The following FHIT variants were observed in gnomAD, a reference collection of about 807,000 sequenced individuals.
The protein encoded by FHIT is bis(5'-adenosyl)-triphosphatase.
Under a neutral mutation model 17.9 loss-of-function variants are expected in FHIT, and 19 were observed. That is an observed-to-expected ratio of 1.06 (90% CI 0.74 to 1.56). FHIT has a LOEUF of 1.56. FHIT is among the 40% of genes most tolerant of loss of function. The probability of loss-of-function intolerance (pLI) is 0.00; values close to 1 mark genes in which losing one functional copy is unlikely to be tolerated. For missense variants in FHIT, 248 were observed against 189.2 expected (o/e 1.31, Z -1.82); for synonymous variants, 81 against 69.7 (o/e 1.16, Z -0.81).
rs147752485 is a variant in FHIT, at chr3:60,458,689, A to G, written c.103+78171T>C. ...CCATCTGCTTTCTCAACACACCTTG[A>G]CCGCCAACTCTAGATGTCAAAAGCT... On this transcript the variant is annotated intron_variant, in intron 5 of 9. Transcript: ENST00000492590. 4.7e-4 allele frequency among the ~76,000 whole-genome samples: 71 copies of G among 152,212 alleles called. 1 individual carries two copies. The East Asian group carries it at 0.01, about 22-fold the overall frequency.
rs1394786638 is a variant in FHIT, at chr3:60,860,138, T to TG, written c.-110-38128_-110-38127insC. Among the ~76,000 whole-genome samples the TG allele has an allele frequency of 8.8e-3, 1,267 of 144,170 alleles. 179 individuals carry two copies. The highest frequency in any genetic ancestry group is 0.019 in the African/African-American group (737 of 38,796). The allele number at this position is 144,170 out of a possible 152,430, so 94.6% of individuals were successfully genotyped here. On this transcript the variant is annotated intron_variant, in intron 3 of 9. Coordinates refer to ENST00000492590, the MANE Select transcript of FHIT (RefSeq NM_002012.4). ...ATATATAAATGATATATCTGATATA[T>TG]ATACATATGGTATATATGATATACA...
At chr3:60,357,901 G>A (rs1699744578) in intron 5 of FHIT, among the ~76,000 whole-genome samples, 3 of 152,150 alleles carry the variant, frequency 2.0e-5, no homozygotes, top group African/African-American at 7.2e-5. Flanking sequence ...GCTCAGAGGT[G>A]AGAACTGACC....
At chr3:60,896,397 A>G (rs1182874328) in intron 3 of FHIT, among the ~76,000 whole-genome samples, 1 of 152,130 alleles carries the variant, frequency 6.6e-6, no homozygotes, top group African/African-American at 2.4e-5. Context: ...ATGTCTTCCT[A>G]TTGATACTTC....
chr3:61,140,341 CTT>C (rs2037044872), intron 2 of FHIT, among the ~76,000 whole-genome samples: 1 of 152,188 alleles, frequency 6.6e-6, no homozygotes, highest in Admixed American at 6.6e-5. Flanking sequence ...TAAGGAGACT[CTT>C]TAGCTATCCT....
At chr3:60,510,274 C>T (rs1033057233) in intron 5 of FHIT, among the ~76,000 whole-genome samples, 1 of 152,168 alleles carries the variant, frequency 6.6e-6, no homozygotes, top group Non-Finnish European at 1.5e-5. Context: ...AACAGCTGCA[C>T]TTTGCAATTC....
intron 5 of FHIT, among the ~76,000 whole-genome samples, chr3:60,130,782 G>GTATACACATATATA (rs1576167802): frequency 8.1e-5 from 1 of 12,326 alleles, no homozygotes; most frequent in Non-Finnish European, 2.0e-4. Flanking sequence ...GTGTGTGTGT[G>GTATACACATATATA]TGGTGTGTAT....
intron 3 of FHIT, among the ~76,000 whole-genome samples, chr3:60,842,114 G>A (rs897954674): frequency 5.9e-5 from 9 of 152,144 alleles, no homozygotes; most frequent in Non-Finnish European, 7.3e-5. Context: ...AAACTTCTAG[G>A]CTTCAGAATC....
intron 3 of FHIT, among the ~76,000 whole-genome samples, chr3:60,941,232 G>A (rs1331302886): frequency 6.6e-6 from 1 of 152,134 alleles, no homozygotes; most frequent in Admixed American, 6.5e-5. Flanking sequence ...GTGGGAAAGT[G>A]CCATTTTAAA....
intron 1 of FHIT, among the ~76,000 whole-genome samples, chr3:61,207,507 G>C (rs2039286322): frequency 6.6e-6 from 1 of 152,106 alleles, no homozygotes; most frequent in South Asian, 2.1e-4. Context: ...GCCTGTTATT[G>C]GTCTATTCAG....
rs552548463 is a variant in FHIT, at chr3:60,982,522, C to T, written c.-111+59525G>A. Among the ~76,000 whole-genome samples, 8 of 152,310 alleles carry T rather than the reference C, an allele frequency of 5.3e-5. No homozygotes were observed. The South Asian group carries it at 1.5e-3, about 28-fold the overall frequency. Reference sequence around the variant, plus strand: ...TCAGCCTGGTCTGCTTTCATTTCTTCGAACACATCTTTTCCACTTCAGGGC... The same window carrying T: ...TCAGCCTGGTCTGCTTTCATTTCTTTGAACACATCTTTTCCACTTCAGGGC... On this transcript the variant is annotated intron_variant, in intron 3 of 9. Transcript: ENST00000492590.
At chr3:59,893,038 T>C (rs774336190) in intron 8 of FHIT, among the ~76,000 whole-genome samples, 1 of 152,224 alleles carries the variant, frequency 6.6e-6, no homozygotes. Flanking sequence ...TAAAACTATA[T>C]CTAAAAAACT....
chr3:60,208,182 A>G (rs1703288546), intron 5 of FHIT, among the ~76,000 whole-genome samples: 2 of 152,210 alleles, frequency 1.3e-5, no homozygotes, highest in South Asian at 2.1e-4. Flanking sequence ...GGCAAGCGTG[A>G]TATGTCATAC....
At chr3:60,876,612 A>G (rs2107100342) in intron 3 of FHIT, among the ~76,000 whole-genome samples, 1 of 152,342 alleles carries the variant, frequency 6.6e-6, no homozygotes, top group East Asian at 1.9e-4. Flanking sequence ...AAGTAAATAC[A>G]AAAGTGTATT....
chr3:60,521,278 T>C (rs9876121), intron 5 of FHIT, among the ~76,000 whole-genome samples: 24,117 of 151,902 alleles, frequency 0.16, 2,276 homozygotes, highest in Middle Eastern at 0.23. Flanking sequence ...GGCGGAGGCT[T>C]GCTCTGTCTC....
chr3:61,023,854 T>C (rs1039990743), intron 3 of FHIT, among the ~76,000 whole-genome samples: 2 of 152,082 alleles, frequency 1.3e-5, no homozygotes, highest in African/African-American at 2.4e-5. Flanking sequence ...TAACTCAAGA[T>C]AGATTAAAGA....
At chr3:61,076,259 T>C (rs1168569520) in intron 2 of FHIT, among the ~76,000 whole-genome samples, 1 of 152,096 alleles carries the variant, frequency 6.6e-6, no homozygotes, top group African/African-American at 2.4e-5. Flanking sequence ...GCAAAGCACT[T>C]CCCCATAGAG....
rs1703695776 is a variant in FHIT at position 60,860,548 on chromosome 3, CATATGTATCATATATCAGGTATATAT to C, written c.-110-38563_-110-38538del. 1.8e-4 allele frequency among the ~76,000 whole-genome samples: 3 copies of C among 16,660 alleles called. 1 individual carries two copies. In the East Asian group the frequency reaches 3.6e-3, roughly 20 times the overall value. The allele number at this position is 16,660 out of a possible 152,430, so 10.9% of individuals were successfully genotyped here. ...TCATATATATCAGGTATATATGATA[CATATGTATCATATATCAGGTATATAT>C]GATACATATGTATCATATATCAGGT... On this transcript the variant is annotated intron_variant, in intron 3 of 9. Transcript: ENST00000492590.
At chr3:60,519,910 A>C (rs2035296885) in intron 5 of FHIT, among the ~76,000 whole-genome samples, 1 of 152,210 alleles carries the variant, frequency 6.6e-6, no homozygotes. Context: ...AGTGACCATC[A>C]GCTCAGAGAT....
intron 4 of FHIT, among the ~76,000 whole-genome samples, chr3:60,627,935 C>A (rs781811146): frequency 6.6e-6 from 1 of 152,260 alleles, no homozygotes; most frequent in Non-Finnish European, 1.5e-5. Flanking sequence ...ACTCTGGTTA[C>A]ATTGATTCTA....
Sources: allele counts gnomAD v4.1 joint callset (sites outside exome capture counted in the v4.1 genomes callset), GRCh38; gene constraint gnomAD v4.1.1; transcripts MANE v1.5; gene names NCBI Gene and HGNC (gene_info 2026-07-23, HGNC 2026-07-21).